AP4E1: variants seen among roughly 807,000 people sequenced by gnomAD.
AP4E1 encodes AP-4 complex subunit epsilon-1.
In AP4E1, 56 loss-of-function variants were observed where a neutral mutation model predicts 128.2. The ratio of observed to expected loss-of-function variants is 0.44; its 90% confidence interval spans 0.35 to 0.55. AP4E1 has a LOEUF of 0.55. Among genes scored for constraint, AP4E1 ranks in the 20% least tolerant of loss-of-function variants. The pLI, the probability that AP4E1 is intolerant of heterozygous loss-of-function variation, is 0.00. For missense variants in AP4E1, 1,324 were observed against 1,307.7 expected, an observed-to-expected ratio of 1.01 and a Z score of -0.19; for synonymous variants, 484 against 473.1, an observed-to-expected ratio of 1.02 and a Z score of -0.30.
chr15:50,966,041 C>G (rs1567242203), intron 14 of AP4E1, among the ~76,000 whole-genome samples: 1 of 152,108 alleles, frequency 6.6e-6, no homozygotes, highest in Admixed American at 6.6e-5. Flanking sequence ...CCTCAGCTTC[C>G]TGAGTAGCTG....
Position 50,928,390 on chromosome 15 carries a change from C to T in AP4E1, c.543-619C>T, listed in dbSNP as rs28637248. ...GCAACTTCTGCCTCCCAGGTTCAAG[C>T]GATTCTTGTGCCTCAGCCACCCAAG... On this transcript the variant is annotated intron_variant, in intron 5 of 20. Transcript: ENST00000261842. Among the ~76,000 whole-genome samples, 758 of 152,132 alleles carry T rather than the reference C, an allele frequency of 5.0e-3. 11 individuals are homozygous for T. The highest frequency in any genetic ancestry group is 0.018 in the African/African-American group (733 of 41,490).
intron 7 of AP4E1, among the ~76,000 whole-genome samples, chr15:50,934,047 A>G (rs1002846905): frequency 2.6e-5 from 4 of 152,028 alleles, no homozygotes; most frequent in African/African-American, 9.7e-5. Flanking sequence ...TTCCCACAGT[A>G]TCTTCCTCAT....
intron 13 of AP4E1, among the ~76,000 whole-genome samples, chr15:50,953,261 C>T (rs929206995): frequency 2.0e-5 from 3 of 152,006 alleles, no homozygotes; most frequent in Admixed American, 1.3e-4. Flanking sequence ...TGTCTATGAA[C>T]GTGGCATGTC....
At chr15:50,909,721 T>C (rs916556899) in intron 1 of AP4E1, among the ~76,000 whole-genome samples, 1 of 152,254 alleles carries the variant, frequency 6.6e-6, no homozygotes, top group African/African-American at 2.4e-5. Flanking sequence ...GGAGTCTCGC[T>C]CTGTCGCGCA....
intron 15 of AP4E1, among the ~76,000 whole-genome samples, chr15:50,980,043 G>C (rs60253924): frequency 0.018 from 2,808 of 152,270 alleles, 104 homozygotes; most frequent in African/African-American, 0.064. Context: ...TTCTGATGAG[G>C]GCTGAGAAGA....
intron 17 of AP4E1, among the ~76,000 whole-genome samples, chr15:50,995,651 G>A (rs118114907): frequency 6.6e-6 from 1 of 151,980 alleles, no homozygotes; most frequent in Non-Finnish European, 1.5e-5. Context: ...CTCCCAAAGT[G>A]TTGGGATTGC....
chr15:50,920,114 T>C (rs1490199702), intron 3 of AP4E1, among the ~76,000 whole-genome samples: 2 of 142,504 alleles, frequency 1.4e-5, no homozygotes, highest in Non-Finnish European at 1.5e-5. Context: ...TTATGCCTTT[T>C]TTTTTTTTTT....
At chr15:50,916,196 C>T (rs1401340814) in intron 3 of AP4E1, among the ~76,000 whole-genome samples, 1 of 152,166 alleles carries the variant, frequency 6.6e-6, no homozygotes, top group African/African-American at 2.4e-5. Context: ...TCCCAAAGCG[C>T]TGGGATTACA....
chr15:50,919,929 T>G (rs2063676175), intron 3 of AP4E1, among the ~76,000 whole-genome samples: 1 of 151,714 alleles, frequency 6.6e-6, no homozygotes, highest in Non-Finnish European at 1.5e-5. Flanking sequence ...ATACAAAGAT[T>G]AGCCTTGTGT....
At chr15:50,971,201 C>G (rs2064472812) in intron 15 of AP4E1, among the ~76,000 whole-genome samples, 1 of 152,052 alleles carries the variant, frequency 6.6e-6, no homozygotes, top group Non-Finnish European at 1.5e-5. Context: ...TGAAGGATAG[C>G]TTTGCTGGAT....
intron 15 of AP4E1, among the ~76,000 whole-genome samples, chr15:50,982,498 T>C (rs1231357211): frequency 1.3e-5 from 2 of 152,204 alleles, no homozygotes; most frequent in Non-Finnish European, 2.9e-5. Flanking sequence ...CTCTGTAAGC[T>C]TGGCTGTATG....
intron 1 of AP4E1, among the ~76,000 whole-genome samples, chr15:50,910,300 G>A (rs561217120): frequency 1.3e-5 from 2 of 152,270 alleles, no homozygotes; most frequent in South Asian, 4.1e-4. Flanking sequence ...GCGCTCGATG[G>A]TTGCACGGAT....
At chr15:50,982,804 A>G (rs1054694100) in intron 15 of AP4E1, among the ~76,000 whole-genome samples, 2 of 152,172 alleles carry the variant, frequency 1.3e-5, no homozygotes, top group African/African-American at 4.8e-5. Flanking sequence ...AGGAGGCCAT[A>G]TACTATAATA....
chr15:50,938,650 G>A (rs569491958), intron 8 of AP4E1, among the ~76,000 whole-genome samples: 53 of 152,260 alleles, frequency 3.5e-4, no homozygotes, highest in African/African-American at 1.0e-3. Context: ...GTTCGGAGGC[G>A]TGGGTGTTAG....
chr15:50,999,076 C>G lies in AP4E1; in HGVS notation c.2909C>G (p.Thr970Ser), dbSNP rs2140936678. Residue 970 changes from threonine (T) to serine (S), a missense_variant, in exon 19 of 21, where the codon ACT becomes AGT. By Grantham distance (58) the Thr-to-Ser change is moderately conservative. Transcript: ENST00000261842. ...TTTTATTACTTCTATTTGCAGGTGA[C>G]TGAGCAACCTGGATGCTGTTTGCCT... ...EIFPAENFKVTEQPGCCLPVM... is the reference protein window; with the variant it reads ...EIFPAENFKVSEQPGCCLPVM... The G allele has an allele frequency of 6.2e-7, 1 of 1,613,964 alleles. No homozygotes were observed. Among genetic ancestry groups the G allele is most frequent in the East Asian group, 2.2e-5 (1 of 44,848 alleles).
intron 8 of AP4E1, among the ~76,000 whole-genome samples, chr15:50,938,841 A>G (rs888751164): frequency 6.6e-6 from 1 of 152,196 alleles, no homozygotes; most frequent in African/African-American, 2.4e-5. Context: ...ATCCCCAGGT[A>G]TCAAAGGAGA....
In AP4E1 at chr15:50,929,161, T is replaced by A; in HGVS notation, c.695T>A (p.Met232Lys). The change falls in exon 6 of 21, where the codon ATG becomes AAG. Residue 232 changes from methionine (M) to lysine (K), a missense_variant. Met to Lys is a moderately conservative substitution (Grantham distance 95). Coordinates refer to ENST00000261842, the MANE Select transcript of AP4E1 (RefSeq NM_007347.5). ...GCCTCCTTGCATATATATCTTAGAA[T>A]GATTAAGGTAAGTTGGAAATTTTAG... ...MAASLHIYLR[M>K]IKENSSGYKD... 1 of 1,613,698 alleles carries A rather than the reference T, an allele frequency of 6.2e-7. No homozygotes were observed. The highest frequency in any genetic ancestry group is 8.5e-7 in the Non-Finnish European group (1 of 1,179,866).
At position 50,942,686 on chromosome 15, in the gene AP4E1, A is replaced by G. The variant is rs2064004606; in HGVS notation, c.1176+911A>G. Among the ~76,000 whole-genome samples the G allele has an allele frequency of 3.4e-5, 5 of 148,168 alleles. No homozygotes were observed. The Admixed American group carries it at 3.4e-4, about 10-fold the overall frequency. Reference sequence around the variant, plus strand: ...ATATTACATTTTAATATATATAATTATATATATTACTTATAATAATAATAT... The same window carrying G: ...ATATTACATTTTAATATATATAATTGTATATATTACTTATAATAATAATAT... On this transcript the variant is annotated intron_variant, in intron 10 of 20. Transcript: ENST00000261842.
chr15:50,949,000 A>G (rs1291637551), intron 11 of AP4E1, among the ~76,000 whole-genome samples: 4 of 152,016 alleles, frequency 2.6e-5, no homozygotes, highest in African/African-American at 9.7e-5. Context: ...TTACTGTTTA[A>G]TTATAAAAAA....
Sources: gnomAD v4.1 joint callset for allele counts (sites outside exome capture counted in the v4.1 genomes callset) on GRCh38, gnomAD v4.1.1 for gene constraint, MANE v1.5 for transcripts, NCBI Gene and HGNC (gene_info 2026-07-23, HGNC 2026-07-21) for gene names.